Variants in PEAR1 observed in about 807,000 individuals in gnomAD.
PEAR1 encodes platelet endothelial aggregation receptor 1.
A neutral mutation model predicts 131.2 loss-of-function variants in PEAR1; 113 were observed. That is an observed-to-expected ratio of 0.86 (90% CI 0.74 to 1.01). PEAR1 has a LOEUF of 1.01. Ranked by LOEUF, PEAR1 falls within the 50% of genes least tolerant of loss-of-function variation. PEAR1 has a pLI of 0.00. For missense variants in PEAR1, 1,408 were observed against 1,391.1 expected, an observed-to-expected ratio of 1.01 and a Z score of -0.19; for synonymous variants, 565 against 523.3, an observed-to-expected ratio of 1.08 and a Z score of -1.09.
In PEAR1 at chr1:156,902,934, C is replaced by A. The variant is rs945522131; in HGVS notation, c.-9-984C>A. Among the ~76,000 whole-genome samples the A allele has an allele frequency of 6.6e-6, 1 of 152,052 alleles. No individual in the cohort carries two copies. The highest frequency in any genetic ancestry group is 2.4e-5 in the African/African-American group (1 of 41,376). ...CAGGGCAGTCTGAGGGAGGCGGGAG[C>A]TTTTCCTTAAATGCAAGGCCAGGTT... On this transcript the variant is annotated intron_variant, in intron 1 of 22. Transcript: ENST00000292357. The surrounding 1 kb of genome is among the most constrained non-coding windows in gnomAD (Gnocchi z 4.3).
chr1:156,908,900 G>T lies in PEAR1; in HGVS notation c.1291-16G>T, dbSNP rs765983266. Reference sequence around the variant, plus strand: ...AAGGAATGGGCCGCCCCTCTCACCCGCTCACCCTCTTTCAGGGCCCTCACT... The same window carrying T: ...AAGGAATGGGCCGCCCCTCTCACCCTCTCACCCTCTTTCAGGGCCCTCACT... On this transcript the variant is annotated splice_polypyrimidine_tract_variant and intron_variant, in intron 10 of 22. Transcript: ENST00000292357. The surrounding 1 kb of genome is among the most constrained non-coding windows in gnomAD (Gnocchi z 4.2). 4.3e-6 allele frequency: 7 copies of T among 1,611,918 alleles called. No homozygotes were observed. Among genetic ancestry groups the T allele is most frequent in the Non-Finnish European group, 5.9e-6 (7 of 1,179,888 alleles).
chr1:156,908,306 GC>G lies in PEAR1; in HGVS notation c.1086del (p.Cys363AlafsTer14). The G allele has an allele frequency of 1.9e-6, 3 of 1,564,986 alleles. No individual in the cohort carries two copies. Among genetic ancestry groups the G allele is most frequent in the Admixed American group, 1.8e-5 (1 of 55,004 alleles). ...CGGCTTCTACGGTCTCAGCTGCCAG[GC>G]CCCCTGCACCTGCGACCGGGAGCAC... ...PDGFYGLSCQ[A>X]PCTCDREHSL... On this transcript the variant is annotated frameshift_variant, in exon 9 of 23. Coordinates refer to ENST00000292357, the MANE Select transcript of PEAR1 (RefSeq NM_001080471.3). LOFTEE classifies it high-confidence loss of function. The surrounding 1 kb of genome is among the most constrained non-coding windows in gnomAD (Gnocchi z 4.2).
chr1:156,909,839 A>G lies in PEAR1; in HGVS notation c.1500A>G (p.Ala500=), dbSNP rs1650839157. 5.6e-6 allele frequency: 9 copies of G among 1,613,928 alleles called. No homozygotes were observed. The highest frequency in any genetic ancestry group is 7.6e-6 in the Non-Finnish European group (9 of 1,179,876). The change falls in exon 12 of 23, where the codon GCA becomes GCG. Residue 500 remains alanine (A), a synonymous_variant. Coordinates refer to ENST00000292357, the MANE Select transcript of PEAR1 (RefSeq NM_001080471.3). ...CNASCQCAHE[A]VCSPQTGACT... ...CCAGCTGCCAGTGTGCCCATGAGGC[A>G]GTCTGCAGCCCCCAAACTGGAGCCT...
chr1:156,915,389 G>C lies in PEAR1; in HGVS notation c.*591G>C, dbSNP rs1651770020. ...TCTGCCAGTATCAAAACTTTTGAAG[G>C]CCTTAAAGGCCCTGCTTTGCCTGGC... is the stretch of plus-strand genomic sequence containing the variant. On this transcript the variant is annotated 3_prime_UTR_variant, in exon 23 of 23. Transcript: ENST00000292357. 6.6e-6 allele frequency: 1 copy of C among 152,218 alleles called. No homozygotes were observed. The allele number at this position is 152,218 out of a possible 1,614,324, so 9.4% of individuals were successfully genotyped here.
chr1:156,908,507 C>A lies in PEAR1; in HGVS notation c.1116-148C>A, dbSNP rs892256436. 1.7e-6 allele frequency: 2 copies of A among 1,196,876 alleles called. No homozygotes were observed. The highest frequency in any genetic ancestry group is 2.9e-5 in the Admixed American group (1 of 34,862). 74.1% of individuals were successfully genotyped at this position (1,196,876 alleles called of 1,614,324 possible). ...GGGCCTGGGGTACCGCTACTTGCCC[C>A]AACCCAGTTTTCAGAATAGCGCGGA... is the stretch of plus-strand genomic sequence containing the variant. On this transcript the variant is annotated intron_variant, in intron 9 of 22. Coordinates refer to ENST00000292357, the MANE Select transcript of PEAR1 (RefSeq NM_001080471.3). This position sits in a 1 kb window ranked among gnomAD's most constrained non-coding sequence, Gnocchi z 4.2.
intron 1 of PEAR1, among the ~76,000 whole-genome samples, chr1:156,901,710 G>A (rs1012172694): frequency 6.6e-6 from 1 of 152,186 alleles, no homozygotes; most frequent in African/African-American, 2.4e-5. Context: ...GGGGAGTGTG[G>A]AGACCGAGAG....
intron 4 of PEAR1, 36 bp from the exon 5 acceptor site, chr1:156,906,240 G>C: frequency 6.3e-7 from 1 of 1,595,116 alleles, no homozygotes; most frequent in South Asian, 1.1e-5. Context: ...TAGGGGCAGG[G>C]GTGGACACAT....
rs778337507 is a variant in PEAR1, at chr1:156,906,634, C to G, written c.401-3C>G. ...ACCCCCTTCCCGCCTCCTTATCCCA[C>G]AGAGTGTGCCCCAGGAATGTGGGGG... On this transcript the variant is annotated splice_polypyrimidine_tract_variant and splice_region_variant and intron_variant, in intron 5 of 22. Coordinates refer to ENST00000292357, the MANE Select transcript of PEAR1 (RefSeq NM_001080471.3). The G allele has an allele frequency of 6.2e-7, 1 of 1,614,152 alleles. No homozygotes were observed. The highest frequency in any genetic ancestry group is 1.1e-5 in the South Asian group (1 of 91,084).
chr1:156,911,061 C>CTTTCTTTT (rs1651038380), intron 15 of PEAR1, among the ~76,000 whole-genome samples: 1 of 111,008 alleles, frequency 9.0e-6, no homozygotes, highest in African/African-American at 5.9e-5. Flanking sequence ...TTCTTTCTTT[C>CTTTCTTTT]TTTCTTTCTT....
chr1:156,906,927 G>A (rs878946870), intron 6 of PEAR1, 47 bp downstream of exon 6: 1 of 1,581,646 alleles, frequency 6.3e-7, no homozygotes, highest in Non-Finnish European at 8.6e-7. Context: ...CAGACACAAG[G>A]CCACACAGAT....
At chr1:156,907,511 T>C in intron 6 of PEAR1, 99 bp from the exon 7 acceptor site, 1 of 1,490,448 alleles carries the variant, frequency 6.7e-7, no homozygotes, top group Non-Finnish European at 8.9e-7. Context: ...TGTGAATCAC[T>C]AAGTCCTGAG....
chr1:156,910,842 T>TG, intron 15 of PEAR1, 99 bp downstream of exon 15: 1 of 1,520,498 alleles, frequency 6.6e-7, no homozygotes, highest in African/African-American at 1.4e-5. Context: ...TAAAAGCCTC[T>TG]GGGCCCACCT....
Position 156,913,199 on chromosome 1 carries a change from C to T in PEAR1, c.2428C>T (p.Pro810Ser), listed in dbSNP as rs1651446922. Residue 810 changes from proline to serine, a missense_variant, in exon 19 of 23, where the codon CCT becomes TCT. Transcript: ENST00000292357. ...TGCTTGTGTCTGTCATGCAGATGTCCCTCCGAGCTACAGTCACTACTACTC... is the reference window on the plus strand; with the variant it reads ...TGCTTGTGTCTGTCATGCAGATGTCTCTCCGAGCTACAGTCACTACTACTC... ...DGSEYVMPDV[P>S]PSYSHYYSNP... 5.0e-6 allele frequency: 8 copies of T among 1,613,438 alleles called. No individual in the cohort carries two copies. The highest frequency in any genetic ancestry group is 6.8e-6 in the Non-Finnish European group (8 of 1,179,682).
At position 156,906,367 on chromosome 1, in the gene PEAR1, T is replaced by A. The variant is rs918527377; in HGVS notation, c.399T>A (p.Ser133Arg). The change falls in exon 5 of 23, where the codon AGT (serine) becomes AGA (arginine). Residue 133 changes from serine (S) to arginine (R), a missense_variant and splice_region_variant. Transcript: ENST00000292357. ...VPGWRGDDCSSECAPGMWGPQ... is the reference protein window; with the variant it reads ...VPGWRGDDCSRECAPGMWGPQ... ...GCTGGCGGGGCGACGACTGTTCCAG[T>A]GGTGAGTGGCTACTGACCCCAGGGA... 2 of 1,613,926 alleles carry A rather than the reference T, an allele frequency of 1.2e-6. No individual in the cohort carries two copies. Among genetic ancestry groups the A allele is most frequent in the African/African-American group, 2.7e-5 (2 of 74,890 alleles).
chr1:156,906,157 T>G, intron 4 of PEAR1, 119 bp from the exon 5 acceptor site: 1 of 828,664 alleles, frequency 1.2e-6, no homozygotes, highest in Non-Finnish European at 1.9e-6. Flanking sequence ...AGAGGCAGAA[T>G]TGGGGCTTGG....
rs1171462203 is a variant in PEAR1, at chr1:156,908,801, G to A, written c.1262G>A (p.Gly421Asp). 6.2e-7 allele frequency: 1 copy of A among 1,607,038 alleles called. No individual in the cohort carries two copies. Among genetic ancestry groups the A allele is most frequent in the Non-Finnish European group, 8.5e-7 (1 of 1,179,278 alleles). ...GGTGGCGTCTGCCAGGCTACCAGCG[G>A]CCTCTGTCAGTGCGCGCCGGGTTAC... ...LHGGVCQATS[G>D]LCQCAPGYTG... The change falls in exon 10 of 23, where the codon GGC (glycine) becomes GAC (aspartate). Residue 421 changes from glycine (G) to aspartate (D), a missense_variant. Gly to Asp is a moderately conservative substitution (Grantham distance 94). Transcript: ENST00000292357. This position sits in a 1 kb window ranked among gnomAD's most constrained non-coding sequence, Gnocchi z 4.2.
rs1650629692 is a variant in PEAR1 at position 156,908,462 on chromosome 1, G to A, written c.1115+122G>A. 5 of 1,288,484 alleles carry A rather than the reference G, an allele frequency of 3.9e-6. No individual in the cohort carries two copies. The highest frequency in any genetic ancestry group is 5.2e-6 in the Non-Finnish European group (5 of 965,362). 79.8% of individuals were successfully genotyped at this position (1,288,484 alleles called of 1,614,324 possible). A position where few individuals can be genotyped will look rare whatever the true frequency, so the allele number is the denominator to read the frequency against. ...CAGGTGTCACAGAAGGGGAAAGGGAGGGACCTCAGGGGCCGGGAGGGGCCT... is the reference window on the plus strand; with the variant it reads ...CAGGTGTCACAGAAGGGGAAAGGGAAGGACCTCAGGGGCCGGGAGGGGCCT... On this transcript the variant is annotated intron_variant, in intron 9 of 22. Transcript: ENST00000292357. This position sits in a 1 kb window ranked among gnomAD's most constrained non-coding sequence, Gnocchi z 4.2.
chr1:156,907,394 G>A (rs1333406233), intron 6 of PEAR1, among the ~76,000 whole-genome samples: 1 of 152,142 alleles, frequency 6.6e-6, no homozygotes, highest in Non-Finnish European at 1.5e-5. Context: ...CATGCCACCC[G>A]TGGCTCTTTG....
intron 1 of PEAR1, among the ~76,000 whole-genome samples, chr1:156,894,199 G>T (rs904498199): frequency 2.0e-5 from 3 of 152,188 alleles, no homozygotes; most frequent in African/African-American, 7.2e-5. Flanking sequence ...TGCTGTCCTT[G>T]GCTTGCAAGG....
Sources: gnomAD v4.1 joint callset for allele counts (sites outside exome capture counted in the v4.1 genomes callset) on GRCh38, gnomAD v4.1.1 for gene constraint, Gnocchi (gnomAD v3.1) non-coding constraint, MANE v1.5 for transcripts, NCBI Gene and HGNC (gene_info 2026-07-23, HGNC 2026-07-21) for gene names.